ADCY2: variants seen among roughly 807,000 people sequenced by gnomAD.
ADCY2 encodes adenylate cyclase type 2.
In ADCY2, 31 loss-of-function variants were observed where a neutral mutation model predicts 125.2. That is an observed-to-expected ratio of 0.25 (90% CI 0.19 to 0.33). The LOEUF is 0.33. Among genes scored for constraint, ADCY2 ranks in the 10% least tolerant of loss-of-function variants. The pLI is 1.00. For synonymous variants in ADCY2, 512 were observed against 548.4 expected, an observed-to-expected ratio of 0.93 and a Z score of 0.93; for missense variants, 904 against 1,418.2, an observed-to-expected ratio of 0.64 and a Z score of 5.82.
Position 7,732,777 on chromosome 5 carries a change from T to C in ADCY2, c.1871+5516T>C, listed in dbSNP as rs115629176. Among the ~76,000 whole-genome samples the C allele has an allele frequency of 5.2e-3, 796 of 152,248 alleles. 9 individuals are homozygous for C. The highest frequency in any genetic ancestry group is 0.018 in the African/African-American group (761 of 41,542). On this transcript the variant is annotated intron_variant, in intron 14 of 24. Transcript: ENST00000338316. ...AAATGAATGAATGAAAAACTAATAA[T>C]GGAGAAATTTGTTACCTGGAAAGGA...
chr5:7,699,081 ATTTTTTTTTTTTTTTTT>A (rs561359357), intron 7 of ADCY2, among the ~76,000 whole-genome samples: 58 of 37,968 alleles, frequency 1.5e-3, no homozygotes, highest in South Asian at 2.9e-3. Flanking sequence ...AACAGTAAGC[ATTTTTTTTTTTTTTTTT>A]TTTTTTTTTT....
intron 22 of ADCY2, among the ~76,000 whole-genome samples, chr5:7,813,651 T>C (rs1414403964): frequency 2.6e-5 from 4 of 152,234 alleles, no homozygotes; most frequent in African/African-American, 9.6e-5. Context: ...TTCTAGAGAC[T>C]GAACATAATT....
Position 7,816,946 on chromosome 5 carries a change from C to A in ADCY2, c.2964C>A (p.Asn988Lys). ...FALVGKLDAI[N>K]KHSFNDFKLR... is the part of the protein sequence containing the mutation. ...TGGTAGGGAAGCTGGATGCCATCAACAAGCACTCCTTCAACGACTTCAAAT... is the reference window on the plus strand; with the variant it reads ...TGGTAGGGAAGCTGGATGCCATCAAAAAGCACTCCTTCAACGACTTCAAAT... Residue 988 changes from asparagine (N) to lysine (K), a missense_variant, in exon 23 of 25, where the codon AAC (asparagine) becomes AAA (lysine). Coordinates refer to ENST00000338316, the MANE Select transcript of ADCY2 (RefSeq NM_020546.3). 6.2e-7 allele frequency: 1 copy of A among 1,614,146 alleles called. No individual in the cohort carries two copies. Among genetic ancestry groups the A allele is most frequent in the Non-Finnish European group, 8.5e-7 (1 of 1,180,030 alleles).
chr5:7,778,963 A>G (rs571258136), intron 18 of ADCY2, among the ~76,000 whole-genome samples: 107 of 152,346 alleles, frequency 7.0e-4, no homozygotes, highest in Admixed American at 4.9e-3. Flanking sequence ...ATTCCAAGCC[A>G]TAATATAGTC....
At chr5:7,817,717 G>T (rs1426285044) in intron 23 of ADCY2, among the ~76,000 whole-genome samples, 1 of 150,758 alleles carries the variant, frequency 6.6e-6, no homozygotes, top group Non-Finnish European at 1.5e-5. Flanking sequence ...TAGCTACTTT[G>T]GAGGCTGAGG....
chr5:7,809,995 C>T (rs141795051), intron 22 of ADCY2, among the ~76,000 whole-genome samples: 43 of 152,256 alleles, frequency 2.8e-4, no homozygotes, highest in African/African-American at 8.7e-4. Flanking sequence ...ATTTAGTGGT[C>T]GGTAGAAAAT....
intron 3 of ADCY2, among the ~76,000 whole-genome samples, chr5:7,560,724 TG>T (rs1419306814): frequency 6.6e-6 from 1 of 152,116 alleles, no homozygotes; most frequent in African/African-American, 2.4e-5. Context: ...ATTCTTGCTC[TG>T]TCACCCAGGC....
intron 4 of ADCY2, among the ~76,000 whole-genome samples, chr5:7,639,241 C>A (rs1439309678): frequency 6.6e-6 from 1 of 152,186 alleles, no homozygotes; most frequent in East Asian, 1.9e-4. Flanking sequence ...CATATACTCT[C>A]CAAACACCAA....
intron 2 of ADCY2, among the ~76,000 whole-genome samples, chr5:7,452,699 T>G (rs779738743): frequency 1.3e-5 from 2 of 152,244 alleles, no homozygotes; most frequent in Non-Finnish European, 2.9e-5. Context: ...GAGGTTGTAC[T>G]GATTTATATT....
At chr5:7,455,882 CATATT>C (rs912129047) in intron 2 of ADCY2, among the ~76,000 whole-genome samples, 4 of 146,978 alleles carry the variant, frequency 2.7e-5, no homozygotes, top group South Asian at 2.1e-4. Context: ...AATTGCATAA[CATATT>C]ATAACAATGC....
At chr5:7,584,269 A>C (rs1736543056) in intron 3 of ADCY2, among the ~76,000 whole-genome samples, 1 of 152,138 alleles carries the variant, frequency 6.6e-6, no homozygotes, top group Non-Finnish European at 1.5e-5. Flanking sequence ...ATCCTGAAGG[A>C]TCAAAACTCC....
intron 4 of ADCY2, among the ~76,000 whole-genome samples, chr5:7,676,533 C>G (rs1419560682): frequency 6.6e-6 from 1 of 151,450 alleles, no homozygotes; most frequent in East Asian, 1.9e-4. Context: ...AAAATACTTT[C>G]TGAGATAATT....
At chr5:7,574,879 C>T (rs1736193612) in intron 3 of ADCY2, among the ~76,000 whole-genome samples, 3 of 152,118 alleles carry the variant, frequency 2.0e-5, no homozygotes, top group Admixed American at 2.0e-4. Flanking sequence ...AGGTGTCTGA[C>T]ACCAGGGAGT....
chr5:7,617,938 A>G (rs1737820022), intron 3 of ADCY2, among the ~76,000 whole-genome samples: 1 of 152,156 alleles, frequency 6.6e-6, no homozygotes, highest in South Asian at 2.1e-4. Context: ...CCCCTTCCCA[A>G]ATGGTTTCAG....
chr5:7,710,384 G>T (rs1741401002), intron 10 of ADCY2, among the ~76,000 whole-genome samples: 2 of 152,174 alleles, frequency 1.3e-5, no homozygotes, highest in Non-Finnish European at 2.9e-5. Flanking sequence ...GCAAAGGAGG[G>T]ACCATAGATA....
chr5:7,687,413 T>C (rs1740554355), intron 4 of ADCY2, among the ~76,000 whole-genome samples: 1 of 152,190 alleles, frequency 6.6e-6, no homozygotes, highest in Admixed American at 6.5e-5. Context: ...TGGAAAAGTC[T>C]GTTAGGTTTA....
At chr5:7,682,329 C>T (rs115935385) in intron 4 of ADCY2, among the ~76,000 whole-genome samples, 6 of 152,166 alleles carry the variant, frequency 3.9e-5, no homozygotes, top group African/African-American at 1.4e-4. Flanking sequence ...AGTCAACAAC[C>T]TTGAATGCTG....
intron 2 of ADCY2, among the ~76,000 whole-genome samples, chr5:7,480,630 T>C (rs184249486): frequency 2.6e-5 from 4 of 151,646 alleles, no homozygotes; most frequent in African/African-American, 9.7e-5. Context: ...AGGGGGAGGA[T>C]CCGGAAAAAT....
intron 3 of ADCY2, among the ~76,000 whole-genome samples, chr5:7,597,532 T>C (rs763444370): frequency 5.3e-5 from 8 of 152,162 alleles, no homozygotes; most frequent in Admixed American, 1.3e-4. Context: ...CCCAGAACTT[T>C]GGGAGGCCAA....
Sources: gnomAD v4.1 joint callset for allele counts (sites outside exome capture counted in the v4.1 genomes callset) on GRCh38, gnomAD v4.1.1 for gene constraint, MANE v1.5 for transcripts, NCBI Gene and HGNC (gene_info 2026-07-23, HGNC 2026-07-21) for gene names.